Variants in NUDT19 observed in about 807,000 individuals in gnomAD.
NUDT19 encodes the protein nudix hydrolase 19.
A neutral mutation model predicts 22.2 loss-of-function variants in NUDT19; 31 were observed. The ratio of observed to expected loss-of-function variants is 1.40; its 90% CI spans 1.05 to 1.89. The LOEUF (loss-of-function observed/expected upper bound fraction) is 1.89. Among genes scored for constraint, NUDT19 ranks in the 40% most tolerant of loss-of-function variants. NUDT19 has a pLI of 0.00. For synonymous variants in NUDT19, 325 were observed against 230.8 expected (o/e 1.41, Z -3.70); for missense variants, 752 against 514.2 (o/e 1.46, Z -4.47).
intron 1 of NUDT19, among the ~76,000 whole-genome samples, chr19:32,697,482 A>T (rs1422592574): frequency 6.6e-6 from 1 of 152,186 alleles, no homozygotes; most frequent in Non-Finnish European, 1.5e-5. Flanking sequence ...GACATCATTG[A>T]ATAATTCATG....
chr19:32,701,466 G>T (rs1381344556), intron 1 of NUDT19, among the ~76,000 whole-genome samples: 1 of 152,100 alleles, frequency 6.6e-6, no homozygotes, highest in African/African-American at 2.4e-5. Context: ...CCAAAGTGCT[G>T]GGATTACAGG....
intron 2 of NUDT19, 80 bp downstream of exon 2, chr19:32,709,472 G>C: frequency 1.8e-6 from 2 of 1,105,228 alleles, no homozygotes; most frequent in Non-Finnish European, 2.8e-6. Flanking sequence ...GCCCAACGTA[G>C]AGACAGGAAT....
intron 1 of NUDT19, among the ~76,000 whole-genome samples, chr19:32,705,099 T>A (rs1296688433): frequency 1.6e-4 from 20 of 122,074 alleles, no homozygotes; most frequent in Non-Finnish European, 3.0e-4. Flanking sequence ...AGAGCAAGAC[T>A]TCATCTCAAA....
chr19:32,695,674 G>C (rs1441165440), intron 1 of NUDT19, among the ~76,000 whole-genome samples: 1 of 151,960 alleles, frequency 6.6e-6, no homozygotes, highest in Non-Finnish European at 1.5e-5. Flanking sequence ...TGATGGCTTC[G>C]GCAGTGTAAG....
At chr19:32,710,247 C>T (rs1022018133) in intron 2 of NUDT19, among the ~76,000 whole-genome samples, 9 of 151,254 alleles carry the variant, frequency 6.0e-5, no homozygotes, top group South Asian at 2.1e-4. Flanking sequence ...CTCCTGACCT[C>T]AGGTGATCCG....
At chr19:32,696,137 G>A (rs1968261224) in intron 1 of NUDT19, among the ~76,000 whole-genome samples, 1 of 152,206 alleles carries the variant, frequency 6.6e-6, no homozygotes, top group Admixed American at 6.5e-5. Flanking sequence ...GGAGAAAAGT[G>A]GCAGGGCTGA....
At position 32,711,735 on chromosome 19, in the gene NUDT19, A is replaced by G. The variant is rs1568435752; in HGVS notation, c.923-17A>G. ...ATTTTGTATTTAAAAATAAAATCAG[A>G]TTTTTTCCTTTTTCAGGTGATGAGC... On this transcript the variant is annotated splice_polypyrimidine_tract_variant and intron_variant, in intron 2 of 2. Transcript: ENST00000397061. 6.9e-7 allele frequency: 1 copy of G among 1,444,794 alleles called. No individual in the cohort carries two copies. The highest frequency in any genetic ancestry group is 1.2e-5 in the South Asian group (1 of 81,932). The allele number at this position is 1,444,794 out of a possible 1,614,324, so 89.5% of individuals were successfully genotyped here. A position where few individuals can be genotyped will look rare whatever the true frequency, so the allele number is the denominator to read the frequency against.
At chr19:32,700,038 A>G (rs926882518) in intron 1 of NUDT19, among the ~76,000 whole-genome samples, 32 of 152,324 alleles carry the variant, frequency 2.1e-4, no homozygotes, top group African/African-American at 7.5e-4. Context: ...GGTGAGTGTT[A>G]CAGCTCATAA....
chr19:32,692,094 T>C lies in NUDT19; in HGVS notation c.134T>C (p.Leu45Pro). ...RPPPAEGFRL[L>P]LLQRSPHQGF... ...CCGCCGGCCGAGGGCTTCCGGCTGC[T>C]GCTGCTGCAGCGCTCCCCGCACCAA... The change falls in exon 1 of 3, where the codon CTG becomes CCG. Residue 45 changes from leucine (L) to proline (P), a missense_variant. Leu to Pro is a moderately conservative substitution (Grantham distance 98). Transcript: ENST00000397061. 3 of 1,361,514 alleles carry C rather than the reference T, an allele frequency of 2.2e-6. No homozygotes were observed. The highest frequency in any genetic ancestry group is 3.1e-5 in the East Asian group (1 of 32,472). 84.3% of individuals were successfully genotyped at this position (1,361,514 alleles called of 1,614,324 possible).
At chr19:32,700,581 A>G (rs1428059485) in intron 1 of NUDT19, among the ~76,000 whole-genome samples, 1 of 152,186 alleles carries the variant, frequency 6.6e-6, no homozygotes, top group Non-Finnish European at 1.5e-5. Flanking sequence ...AGGCACCTGC[A>G]ACCACGCTTG....
chr19:32,711,743 CT>C lies in NUDT19; in HGVS notation c.923-4del. ...TTTAAAAATAAAATCAGATTTTTTCCTTTTTCAGGTGATGAGCTATATTTAG... is the reference window on the plus strand; with the variant it reads ...TTTAAAAATAAAATCAGATTTTTTCCTTTTCAGGTGATGAGCTATATTTAG... On this transcript the variant is annotated splice_region_variant and splice_polypyrimidine_tract_variant and intron_variant, in intron 2 of 2. Transcript: ENST00000397061. 1 of 1,518,760 alleles carries C rather than the reference CT, an allele frequency of 6.6e-7. No homozygotes were observed. The highest frequency in any genetic ancestry group is 9.0e-7 in the Non-Finnish European group (1 of 1,108,528). The allele number at this position is 1,518,760 out of a possible 1,614,324, so 94.1% of individuals were successfully genotyped here. A position where few individuals can be genotyped will look rare whatever the true frequency, so the allele number is the denominator to read the frequency against.
At position 32,700,724 on chromosome 19, in the gene NUDT19, C is replaced by T. The variant is rs1172745157; in HGVS notation, c.714+8050C>T. The stretch of plus-strand genomic sequence containing the variant: ...GGGATTATTGGCATAAGCTACTGTG[C>T]CTGGCCAGTTTCAGTCTTTTAAAAT... On this transcript the variant is annotated intron_variant, in intron 1 of 2. Transcript: ENST00000397061. 3.3e-5 allele frequency among the ~76,000 whole-genome samples: 5 copies of T among 152,256 alleles called. No individual in the cohort carries two copies. The East Asian group carries it at 5.8e-4, about 18-fold the overall frequency.
intron 1 of NUDT19, among the ~76,000 whole-genome samples, chr19:32,700,016 G>T (rs955870733): frequency 6.6e-6 from 1 of 152,330 alleles, no homozygotes; most frequent in African/African-American, 2.4e-5. Flanking sequence ...GAGTGAAGCT[G>T]CAGACCTTCG....
At chr19:32,697,255 T>C (rs1050322614) in intron 1 of NUDT19, among the ~76,000 whole-genome samples, 28 of 152,274 alleles carry the variant, frequency 1.8e-4, no homozygotes, top group African/African-American at 5.5e-4. Flanking sequence ...ACACTGAGGT[T>C]GCCAGGTTTA....
chr19:32,696,190 G>T (rs1245315413), intron 1 of NUDT19, among the ~76,000 whole-genome samples: 1 of 152,226 alleles, frequency 6.6e-6, no homozygotes, highest in Non-Finnish European at 1.5e-5. Flanking sequence ...CACTCAAGGA[G>T]TAGTGCCTGG....
intron 1 of NUDT19, among the ~76,000 whole-genome samples, 167 bp from the exon 2 acceptor site, chr19:32,709,018 A>T (rs777651137): frequency 6.6e-6 from 1 of 152,174 alleles, no homozygotes; most frequent in Non-Finnish European, 1.5e-5. Flanking sequence ...GGATCAACCC[A>T]GCTTTCTTCA....
chr19:32,705,178 T>G (rs1379181062), intron 1 of NUDT19, among the ~76,000 whole-genome samples: 2 of 149,904 alleles, frequency 1.3e-5, no homozygotes, highest in East Asian at 3.9e-4. Context: ...ACTCCAGCAC[T>G]TTGGGAGGCC....
At position 32,693,441 on chromosome 19, in the gene NUDT19, G is replaced by A. The variant is rs565625344; in HGVS notation, c.714+767G>A. On this transcript the variant is annotated intron_variant, in intron 1 of 2. Transcript: ENST00000397061. ...CAGTGTTACAGCTTATAAAGGTAGT[G>A]CGGACCCAAGGAGTGAGCAGCAGCA... 7.3e-4 allele frequency among the ~76,000 whole-genome samples: 111 copies of A among 152,326 alleles called. 2 individuals carry two copies. The highest frequency in any genetic ancestry group is 7.4e-4 in the Non-Finnish European group (50 of 68,026).
chr19:32,709,435 C>G, intron 2 of NUDT19, 43 bp downstream of exon 2: 1 of 1,519,100 alleles, frequency 6.6e-7, no homozygotes. Flanking sequence ...TATTCACATT[C>G]AGTGCCCTGG....
Sources: gnomAD v4.1 joint callset for allele counts (sites outside exome capture counted in the v4.1 genomes callset) on GRCh38, gnomAD v4.1.1 for gene constraint, MANE v1.5 for transcripts, NCBI Gene and HGNC (gene_info 2026-07-23, HGNC 2026-07-21) for gene names.